The following USP30 variants were observed in gnomAD, a reference collection of about 807,000 sequenced individuals.
The protein encoded by USP30 is ubiquitin carboxyl-terminal hydrolase 30.
A neutral mutation model predicts 68.2 loss-of-function variants in USP30; 41 were observed. That is an observed-to-expected ratio of 0.60 (90% CI 0.47 to 0.78). The LOEUF (loss-of-function observed/expected upper bound fraction) is 0.78, where lower values mean the gene tolerates loss of function less well. Among genes scored for constraint, USP30 ranks in the 30% least tolerant of loss-of-function variants. The pLI, the probability that USP30 is intolerant of heterozygous loss-of-function variation, is 0.00. For synonymous variants in USP30, 229 were observed against 253.7 expected (o/e 0.90, Z 0.93); for missense variants, 522 against 649.4 (o/e 0.80, Z 2.13).
At chr12:109,030,305 T>A (rs1204607724) in intron 3 of USP30, among the ~76,000 whole-genome samples, 1 of 152,148 alleles carries the variant, frequency 6.6e-6, no homozygotes, top group Admixed American at 6.5e-5. Flanking sequence ...AACCTGCAGG[T>A]CTATTGTGTG....
chr12:109,084,841 GA>G, intron 11 of USP30, 111 bp from the exon 12 acceptor site: 1 of 1,239,984 alleles, frequency 8.1e-7, no homozygotes, highest in Non-Finnish European at 1.1e-6. Context: ...AAATGAAATA[GA>G]TTTTTTTCTT....
intron 3 of USP30, among the ~76,000 whole-genome samples, chr12:109,059,400 T>C (rs2040985927): frequency 6.6e-6 from 1 of 152,234 alleles, no homozygotes; most frequent in Admixed American, 6.5e-5. Context: ...CTTACTATGT[T>C]GGCCAGGCTA....
chr12:109,062,832 G>A (rs1260072823), intron 3 of USP30, among the ~76,000 whole-genome samples: 1 of 151,970 alleles, frequency 6.6e-6, no homozygotes, highest in Non-Finnish European at 1.5e-5. Flanking sequence ...TCATCATCCC[G>A]TACTGAAACT....
chr12:109,023,628 CTTTT>C (rs1179349331), intron 1 of USP30, among the ~76,000 whole-genome samples: 10 of 72,700 alleles, frequency 1.4e-4, no homozygotes, highest in African/African-American at 5.1e-4. Flanking sequence ...TTAATCAGGA[CTTTT>C]TTTTTTTTTT....
chr12:109,042,107 G>T, intron 3 of USP30, among the ~76,000 whole-genome samples: 1 of 149,808 alleles, frequency 6.7e-6, no homozygotes, highest in Admixed American at 6.7e-5. Context: ...TCTGTTCAAG[G>T]ACACCCACAC....
intron 7 of USP30, among the ~76,000 whole-genome samples, chr12:109,080,127 G>A (rs1016048680): frequency 6.6e-6 from 1 of 152,116 alleles, no homozygotes; most frequent in Non-Finnish European, 1.5e-5. Context: ...GTGCACGTGT[G>A]GTTCAGGGAT....
chr12:109,081,623 G>GCACACA (rs61164773), intron 8 of USP30: 465 of 500,538 alleles, frequency 9.3e-4, no homozygotes, highest in East Asian at 9.0e-3. Context: ...ACGCATGCGC[G>GCACACA]CACACACACA....
intron 3 of USP30, among the ~76,000 whole-genome samples, chr12:109,033,782 A>G (rs1054630520): frequency 6.6e-6 from 1 of 152,128 alleles, no homozygotes; most frequent in African/African-American, 2.4e-5. Context: ...GCTGGTAAAG[A>G]GGTGAGGCTT....
At chr12:109,044,796 T>C (rs1162711188) in intron 3 of USP30, among the ~76,000 whole-genome samples, 1 of 152,300 alleles carries the variant, frequency 6.6e-6, no homozygotes, top group East Asian at 1.9e-4. Context: ...TGCAGATTTG[T>C]AATTCTGATA....
chr12:109,023,635 T>TTTA (rs1396302804), intron 1 of USP30, among the ~76,000 whole-genome samples: 1 of 132,450 alleles, frequency 7.6e-6, no homozygotes, highest in Non-Finnish European at 1.7e-5. Context: ...GGACTTTTTT[T>TTTA]TTTTTTTTTT....
chr12:109,042,090 T>C (rs1337365852), intron 3 of USP30, among the ~76,000 whole-genome samples: 1 of 151,814 alleles, frequency 6.6e-6, no homozygotes, highest in Non-Finnish European at 1.5e-5. Flanking sequence ...ATCCTTTTAG[T>C]CATTTTTCTG....
At chr12:109,062,500 T>G (rs1566090510) in intron 3 of USP30, among the ~76,000 whole-genome samples, 1 of 151,938 alleles carries the variant, frequency 6.6e-6, no homozygotes. Context: ...GCTAATATTT[T>G]TGTATTTTTA....
At chr12:109,054,171 T>C in intron 1 of USP30, 1 of 413,788 alleles carries the variant, frequency 2.4e-6, no homozygotes, top group Non-Finnish European at 4.8e-6. Context: ...TTCCAGGCAC[T>C]TTTGTGAACT....
chr12:109,071,603 C>CTATGACA lies in USP30; in HGVS notation c.481-8_481-2dup, dbSNP rs772232376. 6.2e-7 allele frequency: 1 copy of CTATGACA among 1,613,436 alleles called. No individual in the cohort carries two copies. Among genetic ancestry groups the CTATGACA allele is most frequent in the Non-Finnish European group, 8.5e-7 (1 of 1,179,424 alleles). On this transcript the variant is annotated splice_polypyrimidine_tract_variant and intron_variant, in intron 4 of 12. Transcript: ENST00000257548. ...CAACCTCTCTAAAGAATGCTTTGCC[C>CTATGACA]TATGACAGGATGCTCACGAATTATT...
At chr12:109,025,901 C>G (rs1233441541) in intron 2 of USP30, among the ~76,000 whole-genome samples, 1 of 151,786 alleles carries the variant, frequency 6.6e-6, no homozygotes, top group Non-Finnish European at 1.5e-5. Context: ...TTGCCCAGGC[C>G]GATCTCAAAC....
intron 7 of USP30, among the ~76,000 whole-genome samples, chr12:109,075,841 C>CTTTTTTTTTTTTTTTTTTTTTT (rs34221615): frequency 8.4e-6 from 1 of 119,688 alleles, no homozygotes; most frequent in African/African-American, 3.0e-5. Flanking sequence ...GTTACTTTTT[C>CTTTTTTTTTTTTTTTTTTTTTT]TTTTTTTTTT....
At chr12:109,080,434 T>A (rs1331076594) in intron 7 of USP30, among the ~76,000 whole-genome samples, 1 of 152,222 alleles carries the variant, frequency 6.6e-6, no homozygotes, top group Non-Finnish European at 1.5e-5. Context: ...TTTTGTTTTG[T>A]TGCAAACTTT....
rs919127304 is a variant in USP30, at chr12:109,078,251, C to T, written c.721-3083C>T. On this transcript the variant is annotated intron_variant, in intron 7 of 12. Coordinates refer to ENST00000257548, the MANE Select transcript of USP30 (RefSeq NM_032663.5). ...CCAGCATGGCCAACATGGTGAAACC[C>T]CGTCTCTACTAAAATTACAAAAATT... Among the ~76,000 whole-genome samples, 5 of 152,022 alleles carry T rather than the reference C, an allele frequency of 3.3e-5. No individual in the cohort carries two copies. The South Asian group carries it at 1.0e-3, about 32-fold the overall frequency.
intron 3 of USP30, among the ~76,000 whole-genome samples, chr12:109,036,275 C>T (rs1566076241): frequency 6.6e-6 from 1 of 151,730 alleles, no homozygotes; most frequent in Non-Finnish European, 1.5e-5. Flanking sequence ...TTCATTTTAG[C>T]CCAAAATGTT....
Sources: allele counts gnomAD v4.1 joint callset (sites outside exome capture counted in the v4.1 genomes callset), GRCh38; gene constraint gnomAD v4.1.1; transcripts MANE v1.5; gene names NCBI Gene and HGNC (gene_info 2026-07-23, HGNC 2026-07-21).